The following CDC14A variants were observed in gnomAD, a reference collection of about 807,000 sequenced individuals.
CDC14A encodes the protein dual specificity protein phosphatase CDC14A.
Under a neutral mutation model 74.4 loss-of-function variants are expected in CDC14A, and 53 were observed. The observed-to-expected ratio is 0.71, with a 90% CI of 0.57 to 0.89. CDC14A has a LOEUF of 0.89. Among genes scored for constraint, CDC14A ranks in the 40% least tolerant of loss-of-function variants. CDC14A has a pLI of 0.00. For synonymous variants in CDC14A, 247 were observed against 258.4 expected (o/e 0.96, Z 0.43); for missense variants, 646 against 713.7 (o/e 0.91, Z 1.08).
intron 15 of CDC14A, chr1:100,504,758 T>G: frequency 1.5e-6 from 2 of 1,323,774 alleles, no homozygotes; most frequent in South Asian, 1.3e-5. Flanking sequence ...TTCTGTAGTA[T>G]TGTATCTTTG....
intron 2 of CDC14A, among the ~76,000 whole-genome samples, chr1:100,374,997 C>A (rs1655035269): frequency 6.6e-6 from 1 of 152,170 alleles, no homozygotes; most frequent in African/African-American, 2.4e-5. Context: ...AGAATCAATA[C>A]TTAAAATAAT....
At chr1:100,487,065 TA>T (rs1455548461) in intron 11 of CDC14A, among the ~76,000 whole-genome samples, 2 of 152,186 alleles carry the variant, frequency 1.3e-5, no homozygotes, top group African/African-American at 2.4e-5. Context: ...TGCATGTGGG[TA>T]AAAGTCTATG....
chr1:100,450,009 G>GTTTTTTTTTTTTTTTT, intron 7 of CDC14A, among the ~76,000 whole-genome samples: 1 of 145,572 alleles, frequency 6.9e-6, no homozygotes, highest in Non-Finnish European at 1.5e-5. Context: ...CAAGAGTGAG[G>GTTTTTTTTTTTTTTTT]TTTTTTTTTT....
At chr1:100,466,604 C>T (rs1467597475) in intron 9 of CDC14A, among the ~76,000 whole-genome samples, 1 of 152,078 alleles carries the variant, frequency 6.6e-6, no homozygotes, top group African/African-American at 2.4e-5. Context: ...GGAGTGGTGG[C>T]CCACGCCTGT....
chr1:100,438,355 C>T (rs1210994529), intron 5 of CDC14A, among the ~76,000 whole-genome samples: 3 of 152,094 alleles, frequency 2.0e-5, no homozygotes, highest in Admixed American at 6.6e-5. Context: ...GAAATGGGTT[C>T]GCAGGCTTCC....
intron 11 of CDC14A, among the ~76,000 whole-genome samples, chr1:100,493,045 T>C (rs565799476): frequency 6.6e-6 from 1 of 152,342 alleles, no homozygotes; most frequent in South Asian, 2.1e-4. Context: ...AAAGATTGTA[T>C]GGGAGGTAAA....
chr1:100,368,855 A>G (rs1167381751), intron 2 of CDC14A, among the ~76,000 whole-genome samples: 1 of 152,174 alleles, frequency 6.6e-6, no homozygotes, highest in Non-Finnish European at 1.5e-5. Context: ...TTGGTTTTCT[A>G]TTCCTGCATT....
rs145284429 is a variant in CDC14A, at chr1:100,360,546, T to C, written c.140+6694T>C. 2.3e-3 allele frequency among the ~76,000 whole-genome samples: 351 copies of C among 151,232 alleles called. 1 individual carries two copies. Among genetic ancestry groups the C allele is most frequent in the Non-Finnish European group, 3.8e-3 (255 of 67,784 alleles). Reference sequence around the variant, plus strand: ...TTTTTGTAGAGACAGGGTTTCACCATGTTGACCAGGCTGGTCTCGAACTCC... The same window carrying C: ...TTTTTGTAGAGACAGGGTTTCACCACGTTGACCAGGCTGGTCTCGAACTCC... On this transcript the variant is annotated intron_variant, in intron 2 of 15. Coordinates refer to ENST00000336454, the MANE Select transcript of CDC14A (RefSeq NM_003672.4).
At chr1:100,401,604 A>C (rs748286960) in intron 4 of CDC14A, among the ~76,000 whole-genome samples, 4 of 152,238 alleles carry the variant, frequency 2.6e-5, no homozygotes, top group Non-Finnish European at 5.9e-5. Context: ...GTGGATAATA[A>C]TGTTAATTTT....
chr1:100,371,417 G>A (rs796886124), intron 2 of CDC14A, among the ~76,000 whole-genome samples: 2 of 152,286 alleles, frequency 1.3e-5, no homozygotes, highest in African/African-American at 4.8e-5. Context: ...CATTCAGTAT[G>A]ATGTTGGTTG....
rs952740174 is a variant in CDC14A at position 100,508,116 on chromosome 1, C to T, written c.1755+8854C>T. Among the ~76,000 whole-genome samples, 1 of 152,056 alleles carries T rather than the reference C, an allele frequency of 6.6e-6. No homozygotes were observed. The highest frequency in any genetic ancestry group is 1.5e-5 in the Non-Finnish European group (1 of 68,002). ...CTATTATTTTCAATTCGTGAATTTT[C>T]TTTAATGTGTCCATTCTGGAGTATA... is the stretch of plus-strand genomic sequence containing the variant. On this transcript the variant is annotated intron_variant, in intron 15 of 15. Coordinates refer to ENST00000336454, the MANE Select transcript of CDC14A (RefSeq NM_003672.4). This position sits in a 1 kb window ranked among gnomAD's most constrained non-coding sequence, Gnocchi z 4.4.
At chr1:100,498,283 A>G (rs1648169018) in intron 14 of CDC14A, 76 bp downstream of exon 14, 2 of 1,528,238 alleles carry the variant, frequency 1.3e-6, no homozygotes, top group South Asian at 2.5e-5. Flanking sequence ...GTTTAGCTGC[A>G]GTTTTGTCAG....
At chr1:100,448,285 C>G (rs985210401) in intron 7 of CDC14A, among the ~76,000 whole-genome samples, 1 of 152,244 alleles carries the variant, frequency 6.6e-6, no homozygotes, top group South Asian at 2.1e-4. Context: ...ATTATCTGCC[C>G]CCTGCCATAA....
intron 4 of CDC14A, among the ~76,000 whole-genome samples, chr1:100,418,829 G>A (rs114845203): frequency 0.02 from 3,012 of 152,206 alleles, 110 homozygotes; most frequent in African/African-American, 0.069. Flanking sequence ...TGTATCCTCC[G>A]TCTTTGCTCC....
intron 13 of CDC14A, among the ~76,000 whole-genome samples, chr1:100,496,732 G>T (rs182892551): frequency 5.3e-5 from 8 of 152,302 alleles, no homozygotes; most frequent in African/African-American, 1.2e-4. Context: ...TTGCTTCTTT[G>T]TAGAACTTTT....
chr1:100,514,644 A>T (rs1359995481), intron 15 of CDC14A, among the ~76,000 whole-genome samples: 2 of 152,144 alleles, frequency 1.3e-5, no homozygotes, highest in Non-Finnish European at 2.9e-5. Flanking sequence ...AATTACATGA[A>T]TTGGGGCTAA....
At chr1:100,512,477 A>T (rs977225984) in intron 15 of CDC14A, among the ~76,000 whole-genome samples, 1 of 152,086 alleles carries the variant, frequency 6.6e-6, no homozygotes, top group Non-Finnish European at 1.5e-5. Flanking sequence ...TTTTCTAGAA[A>T]TGTGGCTTTA....
Position 100,519,379 on chromosome 1 carries a change from G to A in CDC14A, c.*1099G>A, listed in dbSNP as rs778340450. 1 of 152,098 alleles carries A rather than the reference G, an allele frequency of 6.6e-6. No homozygotes were observed. Among genetic ancestry groups the A allele is most frequent in the Non-Finnish European group, 1.5e-5 (1 of 67,982 alleles). 9.4% of individuals were successfully genotyped at this position (152,098 alleles called of 1,614,324 possible). A position where few individuals can be genotyped will look rare whatever the true frequency, so the allele number is the denominator to read the frequency against. On this transcript the variant is annotated 3_prime_UTR_variant, in exon 16 of 16. Coordinates refer to ENST00000336454, the MANE Select transcript of CDC14A (RefSeq NM_003672.4). ...GAAAGGACCCTTATAGGTACTCACA[G>A]CCCTTTCATGTAAGTATGATCTGAT...
In CDC14A at chr1:100,408,013, C is replaced by G. The variant is rs570983314; in HGVS notation, c.310-16209C>G. On this transcript the variant is annotated intron_variant, in intron 4 of 15. Transcript: ENST00000336454. ...TATGTTGTACAGAATATTTAGTCACCCAGGTACTAAGCCTAGTACCCAATA... is the reference window on the plus strand; with the variant it reads ...TATGTTGTACAGAATATTTAGTCACGCAGGTACTAAGCCTAGTACCCAATA... 1.2e-3 allele frequency among the ~76,000 whole-genome samples: 181 copies of G among 152,032 alleles called. 1 individual carries two copies. The highest frequency in any genetic ancestry group is 4.2e-3 in the African/African-American group (173 of 41,458).
Sources: gnomAD v4.1 joint callset for allele counts (sites outside exome capture counted in the v4.1 genomes callset) on GRCh38, gnomAD v4.1.1 for gene constraint, Gnocchi (gnomAD v3.1) non-coding constraint, MANE v1.5 for transcripts, NCBI Gene and HGNC (gene_info 2026-07-23, HGNC 2026-07-21) for gene names.